Variants in SLC35F4 observed in about 807,000 individuals in gnomAD.
SLC35F4 encodes the protein chromosome 14 open reading frame 36.
Under a neutral mutation model 44.2 loss-of-function variants are expected in SLC35F4, and 24 were observed. The ratio of observed to expected loss-of-function variants is 0.54; its 90% CI spans 0.39 to 0.76. The LOEUF (loss-of-function observed/expected upper bound fraction) is 0.76, where lower values mean the gene tolerates loss of function less well. Ranked by LOEUF, SLC35F4 falls within the 30% of genes least tolerant of loss-of-function variation. The pLI is 0.00. For missense variants in SLC35F4, 562 were observed against 586.1 expected (o/e 0.96, Z 0.42); for synonymous variants, 238 against 223.6 (o/e 1.06, Z -0.57).
chr14:57,693,275 TATTTGTTGTTGGTAATA>T (rs2075284984), intron 1 of SLC35F4, among the ~76,000 whole-genome samples: 1 of 152,226 alleles, frequency 6.6e-6, no homozygotes, highest in Non-Finnish European at 1.5e-5. Flanking sequence ...AATAAAATAT[TATTTGTTGTTGGTAATA>T]GGCCCCCAAA....
intron 1 of SLC35F4, among the ~76,000 whole-genome samples, chr14:57,931,877 C>T (rs1264484793): frequency 6.6e-6 from 1 of 152,222 alleles, no homozygotes; most frequent in East Asian, 1.9e-4. Context: ...CATTAATATT[C>T]CCAGTCCCCC....
intron 1 of SLC35F4, among the ~76,000 whole-genome samples, chr14:57,731,679 T>C (rs2076348561): frequency 6.6e-6 from 1 of 152,256 alleles, no homozygotes; most frequent in Non-Finnish European, 1.5e-5. Context: ...ATCTTTGCAA[T>C]AAATCTCTTT....
chr14:57,785,174 T>C (rs948329654), intron 1 of SLC35F4, among the ~76,000 whole-genome samples: 7 of 152,252 alleles, frequency 4.6e-5, no homozygotes, highest in African/African-American at 1.4e-4. Flanking sequence ...TTTAAATATT[T>C]TGATGATTAA....
At chr14:57,849,815 C>A (rs1886396410) in intron 1 of SLC35F4, among the ~76,000 whole-genome samples, 1 of 152,076 alleles carries the variant, frequency 6.6e-6, no homozygotes, top group Admixed American at 6.6e-5. Context: ...CTGCTTAAGC[C>A]AATATAAGCA....
chr14:57,662,162 G>C (rs2074158534), intron 1 of SLC35F4, among the ~76,000 whole-genome samples: 1 of 152,144 alleles, frequency 6.6e-6, no homozygotes, highest in Non-Finnish European at 1.5e-5. Context: ...CGTGATCAGA[G>C]TTCTATAACT....
intron 1 of SLC35F4, chr14:57,837,740 C>A (rs1383179710): frequency 6.6e-6 from 1 of 152,212 alleles, no homozygotes; most frequent in African/African-American, 2.4e-5. Context: ...TAGAAAGGGG[C>A]TTTTGTGCCA....
intron 1 of SLC35F4, among the ~76,000 whole-genome samples, chr14:57,825,770 G>T (rs916709387): frequency 1.3e-5 from 2 of 152,074 alleles, no homozygotes; most frequent in Non-Finnish European, 2.9e-5. Flanking sequence ...ATTCACAATT[G>T]CTACAAAGTG....
upstream of SLC35F4, among the ~76,000 whole-genome samples, chr14:57,868,061 A>G (rs1888220784): frequency 6.6e-6 from 1 of 152,204 alleles, no homozygotes; most frequent in Non-Finnish European, 1.5e-5. Flanking sequence ...ATCTCCATAG[A>G]AGTAGATAAA....
chr14:57,813,583 T>C (rs1882221555), intron 1 of SLC35F4, among the ~76,000 whole-genome samples: 1 of 152,172 alleles, frequency 6.6e-6, no homozygotes, highest in South Asian at 2.1e-4. Context: ...TTTTAATAAA[T>C]ATTAATGCTT....
intron 1 of SLC35F4, among the ~76,000 whole-genome samples, chr14:57,694,614 C>T (rs1010261039): frequency 1.2e-4 from 18 of 152,048 alleles, no homozygotes; most frequent in African/African-American, 4.3e-4. Flanking sequence ...AGAATCTATC[C>T]CTCAGTTTGG....
intron 1 of SLC35F4, among the ~76,000 whole-genome samples, chr14:57,644,572 C>A (rs2073413386): frequency 6.6e-6 from 1 of 151,856 alleles, no homozygotes; most frequent in African/African-American, 2.4e-5. Flanking sequence ...GTTGCCTGTT[C>A]ACTCTGATGG....
chr14:57,729,671 G>C (rs765081340), intron 1 of SLC35F4, among the ~76,000 whole-genome samples: 5 of 152,132 alleles, frequency 3.3e-5, no homozygotes, highest in Admixed American at 1.3e-4. Flanking sequence ...GCCTGGGACT[G>C]GGGGAGGGAT....
chr14:57,875,754 C>T (rs1888386020), intron 1 of SLC35F4, among the ~76,000 whole-genome samples: 1 of 152,190 alleles, frequency 6.6e-6, no homozygotes. Flanking sequence ...AAGTAAGTTG[C>T]AGGTTAACTC....
intron 1 of SLC35F4, among the ~76,000 whole-genome samples, chr14:57,862,063 G>A (rs1394592994): frequency 6.6e-6 from 1 of 151,862 alleles, no homozygotes; most frequent in East Asian, 1.9e-4. Flanking sequence ...CTTATCCCCT[G>A]ACAATCCACC....
intron 1 of SLC35F4, among the ~76,000 whole-genome samples, chr14:57,846,072 A>C (rs564135075): frequency 2.5e-4 from 38 of 152,336 alleles, no homozygotes; most frequent in Admixed American, 6.5e-4. Flanking sequence ...AATAAGCATA[A>C]GTATGTCATC....
chr14:57,580,016 C>T (rs1253882423), intron 4 of SLC35F4, among the ~76,000 whole-genome samples: 1 of 152,074 alleles, frequency 6.6e-6, no homozygotes, highest in African/African-American at 2.4e-5. Context: ...TGATGCTGAG[C>T]CCTTTGGGGT....
At chr14:57,672,445 A>G (rs1224374372) in intron 1 of SLC35F4, among the ~76,000 whole-genome samples, 1 of 152,134 alleles carries the variant, frequency 6.6e-6, no homozygotes, top group Non-Finnish European at 1.5e-5. Flanking sequence ...ATGATGACAT[A>G]CATCTTTCTA....
intron 1 of SLC35F4, among the ~76,000 whole-genome samples, chr14:57,810,549 C>T (rs4901823): frequency 0.48 from 73,529 of 152,126 alleles, 20,568 homozygotes; most frequent in African/African-American, 0.76. Context: ...TCACCGTCCT[C>T]AGTATCAACA....
intron 1 of SLC35F4, among the ~76,000 whole-genome samples, chr14:57,720,006 T>C (rs1255494665): frequency 6.6e-6 from 1 of 152,158 alleles, no homozygotes; most frequent in Non-Finnish European, 1.5e-5. Context: ...TTTTTGAGGG[T>C]TTTTATTATG....
Sources: allele counts gnomAD v4.1 joint callset (sites outside exome capture counted in the v4.1 genomes callset), GRCh38; gene constraint gnomAD v4.1.1; transcripts MANE v1.5; gene names NCBI Gene and HGNC (gene_info 2026-07-23, HGNC 2026-07-21).